GRM7: variants seen among roughly 807,000 people sequenced by gnomAD.
The protein encoded by GRM7 is metabotropic glutamate receptor 7.
GRM7 carries 35 observed loss-of-function variants against 84.5 expected under a neutral mutation model. The ratio of observed to expected loss-of-function variants is 0.41; its 90% confidence interval spans 0.32 to 0.55. The LOEUF (loss-of-function observed/expected upper bound fraction) is 0.55, where lower values mean the gene tolerates loss of function less well. GRM7 is among the 20% of genes least tolerant of loss of function. The probability of loss-of-function intolerance (pLI) is 0.19; values close to 1 mark genes in which losing one functional copy is unlikely to be tolerated. For missense variants in GRM7, 1,003 were observed against 1,194.6 expected (o/e 0.84, Z 2.36); for synonymous variants, 487 against 455.1 (o/e 1.07, Z -0.89).
At chr3:7,056,701 T>G (rs1008519603) in intron 1 of GRM7, among the ~76,000 whole-genome samples, 1 of 151,974 alleles carries the variant, frequency 6.6e-6, no homozygotes, top group Admixed American at 6.6e-5. Context: ...AAAAACTGTA[T>G]GTTTGCCACA....
At chr3:7,451,392 G>A (rs1018116537) in intron 5 of GRM7, among the ~76,000 whole-genome samples, 1 of 152,174 alleles carries the variant, frequency 6.6e-6, no homozygotes, top group Non-Finnish European at 1.5e-5. Context: ...ATGTTGAATT[G>A]CGACTGAGCG....
intron 7 of GRM7, among the ~76,000 whole-genome samples, chr3:7,540,894 A>T (rs1010344402): frequency 6.6e-6 from 1 of 152,216 alleles, no homozygotes; most frequent in Non-Finnish European, 1.5e-5. Flanking sequence ...AATGATAGGT[A>T]TAGGCAAGGG....
intron 1 of GRM7, among the ~76,000 whole-genome samples, chr3:6,956,964 A>G (rs1312201680): frequency 4.6e-5 from 7 of 152,242 alleles, no homozygotes; most frequent in Non-Finnish European, 1.0e-4. Context: ...TGAGAAGAAC[A>G]TCGAGTTTAC....
At chr3:7,602,445 G>T (rs1199024808) in intron 8 of GRM7, among the ~76,000 whole-genome samples, 1 of 152,132 alleles carries the variant, frequency 6.6e-6, no homozygotes, top group African/African-American at 2.4e-5. Context: ...TGAGATGAAA[G>T]AACTGAAAGT....
Position 7,195,305 on chromosome 3 carries a change from C to T in GRM7, c.736+48637C>T, listed in dbSNP as rs967102598. ...AGCCAGCAAGACTGCCTCTGTCTCA[C>T]TTGATTTAGTTTGGTGGCTTCTTGT... On this transcript the variant is annotated intron_variant, in intron 2 of 9. Coordinates refer to ENST00000357716, the MANE Select transcript of GRM7 (RefSeq NM_000844.4). 6.6e-5 allele frequency among the ~76,000 whole-genome samples: 10 copies of T among 152,266 alleles called. No homozygotes were observed. The East Asian group carries it at 1.7e-3, about 26-fold the overall frequency.
intron 8 of GRM7, among the ~76,000 whole-genome samples, chr3:7,637,782 G>A (rs1053633018): frequency 6.6e-6 from 1 of 152,220 alleles, no homozygotes; most frequent in East Asian, 1.9e-4. Context: ...GCAACAGCTA[G>A]TGCAATATTA....
chr3:7,388,905 C>A (rs558870764), intron 4 of GRM7, among the ~76,000 whole-genome samples: 1 of 151,940 alleles, frequency 6.6e-6, no homozygotes, highest in South Asian at 2.1e-4. Context: ...GTAGTTATTT[C>A]TTTTCTTTTG....
rs1477751643 is a variant in GRM7 at position 6,928,212 on chromosome 3, C to G, written c.519+66305C>G. ...TAACTGGGCATTTTCCCAAAATGTC[C>G]CTTGGAATTCCCCCAAAGATAGTTG... On this transcript the variant is annotated intron_variant, in intron 1 of 9. Transcript: ENST00000357716. The surrounding 1 kb of genome is among the most constrained non-coding windows in gnomAD (Gnocchi z 4.5). Among the ~76,000 whole-genome samples the G allele has an allele frequency of 6.6e-6, 1 of 151,832 alleles. No homozygotes were observed. The highest frequency in any genetic ancestry group is 1.5e-5 in the Non-Finnish European group (1 of 67,992).
intron 5 of GRM7, among the ~76,000 whole-genome samples, chr3:7,450,784 G>A (rs1160578073): frequency 1.3e-5 from 2 of 151,982 alleles, no homozygotes; most frequent in African/African-American, 4.8e-5. Context: ...TGAGCATAAA[G>A]TTGATTTGGT....
rs544155071 is a variant in GRM7, at chr3:7,632,029, G to A, written c.2452-48020G>A. On this transcript the variant is annotated intron_variant, in intron 8 of 9. Transcript: ENST00000357716. ...GCCTAAGGGAAGACAACTGAATATA[G>A]GCGTGTTCCAGAACAAAGAAAGAAC... Among the ~76,000 whole-genome samples the A allele has an allele frequency of 1.1e-4, 16 of 152,310 alleles. No individual in the cohort carries two copies. In the East Asian group the frequency reaches 2.3e-3, roughly 22 times the overall value.
At chr3:7,470,994 G>A (rs747651825) in intron 7 of GRM7, among the ~76,000 whole-genome samples, 2 of 151,364 alleles carry the variant, frequency 1.3e-5, no homozygotes, top group Non-Finnish European at 2.9e-5. Context: ...TTTGAGTCCT[G>A]CCTTTTCTGC....
intron 1 of GRM7, among the ~76,000 whole-genome samples, chr3:7,126,340 A>G (rs1693398503): frequency 6.6e-6 from 1 of 152,208 alleles, no homozygotes. Flanking sequence ...TAAGTAGATC[A>G]ACAGAGGTCA....
At chr3:6,976,088 C>T (rs551087622) in intron 1 of GRM7, among the ~76,000 whole-genome samples, 47 of 152,194 alleles carry the variant, frequency 3.1e-4, no homozygotes, top group African/African-American at 1.0e-3. Context: ...CTGAGCTTTC[C>T]GGTTTATTTA....
At chr3:7,099,399 C>G (rs1472734026) in intron 1 of GRM7, among the ~76,000 whole-genome samples, 4 of 146,628 alleles carry the variant, frequency 2.7e-5, no homozygotes, top group Non-Finnish European at 6.0e-5. Context: ...ACATTATATA[C>G]ATACATAATA....
intron 1 of GRM7, among the ~76,000 whole-genome samples, chr3:7,077,724 T>TA (rs1318165489): frequency 6.6e-6 from 1 of 151,790 alleles, no homozygotes; most frequent in South Asian, 2.1e-4. Context: ...AGTATAATAA[T>TA]AAAAAATAAA....
At chr3:6,948,455 G>A (rs924706805) in intron 1 of GRM7, among the ~76,000 whole-genome samples, 1 of 152,170 alleles carries the variant, frequency 6.6e-6, no homozygotes, top group African/African-American at 2.4e-5. Context: ...TACATTTGCT[G>A]AGGAGTGCTT....
In GRM7 at chr3:7,316,420, A is replaced by T. The variant is rs542842735; in HGVS notation, c.1033+9768A>T. Among the ~76,000 whole-genome samples the T allele has an allele frequency of 2.4e-4, 37 of 152,246 alleles. No individual in the cohort carries two copies. The South Asian group carries it at 7.7e-3, about 32-fold the overall frequency. On this transcript the variant is annotated intron_variant, in intron 4 of 9. Coordinates refer to ENST00000357716, the MANE Select transcript of GRM7 (RefSeq NM_000844.4). ...GACTGGTAATGAGGTTATTCCCCCC[A>T]AAACAAAGAAACAACAACCACCGCA...
intron 4 of GRM7, among the ~76,000 whole-genome samples, chr3:7,341,870 G>A: frequency 6.6e-6 from 1 of 152,098 alleles, no homozygotes; most frequent in South Asian, 2.1e-4. Context: ...CCTGAACTCA[G>A]TCTGAGTTCA....
At chr3:7,015,689 C>T (rs2124902703) in intron 1 of GRM7, among the ~76,000 whole-genome samples, 1 of 152,304 alleles carries the variant, frequency 6.6e-6, no homozygotes, top group Admixed American at 6.5e-5. Flanking sequence ...ACATTTCCAA[C>T]ATTCCTCCTT....
Sources: allele counts gnomAD v4.1 joint callset (sites outside exome capture counted in the v4.1 genomes callset), GRCh38; gene constraint gnomAD v4.1.1; non-coding constraint Gnocchi (gnomAD v3.1); transcripts MANE v1.5; gene names NCBI Gene and HGNC (gene_info 2026-07-23, HGNC 2026-07-21).